The following DLG2 variants were observed in gnomAD, a reference collection of about 807,000 sequenced individuals.
DLG2 encodes the protein discs large MAGUK scaffold protein 2.
Under a neutral mutation model 132.5 loss-of-function variants are expected in DLG2, and 45 were observed. That is an observed-to-expected ratio of 0.34 (90% CI 0.27 to 0.44). The LOEUF (loss-of-function observed/expected upper bound fraction) is 0.44. Among genes scored for constraint, DLG2 ranks in the 20% least tolerant of loss-of-function variants. DLG2 has a pLI of 1.00. For synonymous variants in DLG2, 424 were observed against 419.6 expected (o/e 1.01, Z -0.13); for missense variants, 1,045 against 1,196.9 (o/e 0.87, Z 1.87).
At chr11:84,673,888 C>T (rs1196088608) in intron 6 of DLG2, among the ~76,000 whole-genome samples, 1 of 152,118 alleles carries the variant, frequency 6.6e-6, no homozygotes, top group African/African-American at 2.4e-5. Flanking sequence ...CACTTCAGCA[C>T]AGGGACAGCA....
At chr11:84,815,628 C>A (rs2156471) in intron 6 of DLG2, among the ~76,000 whole-genome samples, 3,563 of 152,058 alleles carry the variant, frequency 0.023, 56 homozygotes, top group Non-Finnish European at 0.036. Flanking sequence ...TAGAGATATC[C>A]TTCATTAAGA....
intron 18 of DLG2, 78 bp downstream of exon 18, chr11:83,786,612 A>T: frequency 1.6e-6 from 2 of 1,285,768 alleles, no homozygotes; most frequent in South Asian, 1.2e-5. Context: ...GACTCTAGTT[A>T]ATAAAAATTA....
intron 15 of DLG2, among the ~76,000 whole-genome samples, chr11:83,925,225 A>G (rs1267303225): frequency 2.0e-5 from 3 of 152,082 alleles, no homozygotes; most frequent in Non-Finnish European, 4.4e-5. Context: ...CCGTGCCCAA[A>G]TAAAGCAGAT....
At chr11:85,394,560 G>C (rs2087115353) in intron 3 of DLG2, among the ~76,000 whole-genome samples, 1 of 152,208 alleles carries the variant, frequency 6.6e-6, no homozygotes. Flanking sequence ...TAGCACTAAA[G>C]TTGGTTAGAA....
At chr11:84,612,679 TA>T (rs2099597459) in intron 6 of DLG2, among the ~76,000 whole-genome samples, 1 of 152,160 alleles carries the variant, frequency 6.6e-6, no homozygotes, top group Non-Finnish European at 1.5e-5. Flanking sequence ...ATAATATGGT[TA>T]TATTATTTTT....
chr11:83,845,595 T>G (rs2058462278), intron 16 of DLG2, among the ~76,000 whole-genome samples: 1 of 152,232 alleles, frequency 6.6e-6, no homozygotes. Flanking sequence ...GGGGGATCTA[T>G]GCATTAAATA....
At chr11:84,166,955 C>T (rs1383279777) in intron 8 of DLG2, 1 of 533,044 alleles carries the variant, frequency 1.9e-6, no homozygotes, top group African/African-American at 1.9e-5. Flanking sequence ...TATTTAAGTA[C>T]CTTGGTCATA....
At chr11:83,589,813 A>G (rs2097156163) in intron 19 of DLG2, among the ~76,000 whole-genome samples, 2 of 146,274 alleles carry the variant, frequency 1.4e-5, no homozygotes, top group Admixed American at 7.0e-5. Flanking sequence ...AAGCAAATGG[A>G]AAACAAAAAA....
intron 18 of DLG2, among the ~76,000 whole-genome samples, chr11:83,740,051 G>C (rs1311535616): frequency 6.6e-6 from 1 of 151,922 alleles, no homozygotes; most frequent in East Asian, 1.9e-4. Flanking sequence ...ACAGCACAGA[G>C]CACAATGCAA....
chr11:83,521,308 G>A (rs1169216938), intron 21 of DLG2, among the ~76,000 whole-genome samples: 4 of 152,216 alleles, frequency 2.6e-5, no homozygotes, highest in South Asian at 2.1e-4. Context: ...TCCTGGGGGA[G>A]AAGTGGATTT....
At chr11:83,708,536 A>G (rs1289029544) in intron 18 of DLG2, among the ~76,000 whole-genome samples, 1 of 152,194 alleles carries the variant, frequency 6.6e-6, no homozygotes, top group Non-Finnish European at 1.5e-5. Flanking sequence ...TCAAGACAAT[A>G]TGATAACAAA....
chr11:84,038,055 T>G (rs1007330540), intron 11 of DLG2, among the ~76,000 whole-genome samples: 1 of 152,022 alleles, frequency 6.6e-6, no homozygotes, highest in Non-Finnish European at 1.5e-5. Context: ...TGTGGTAGAT[T>G]ATTTCATCAC....
intron 6 of DLG2, among the ~76,000 whole-genome samples, chr11:85,028,454 C>G (rs1464255666): frequency 2.6e-5 from 4 of 152,168 alleles, no homozygotes; most frequent in Admixed American, 6.5e-5. Flanking sequence ...AGGAGCCTGT[C>G]TGCTTCCTGC....
At chr11:85,026,715 T>C (rs1033736636) in intron 6 of DLG2, among the ~76,000 whole-genome samples, 1 of 151,944 alleles carries the variant, frequency 6.6e-6, no homozygotes, top group African/African-American at 2.4e-5. Flanking sequence ...CGGGCGCCTG[T>C]AGTCCCAGCT....
chr11:84,769,010 TTAAAA>T (rs2153884387), intron 6 of DLG2, among the ~76,000 whole-genome samples: 1 of 152,190 alleles, frequency 6.6e-6, no homozygotes, highest in East Asian at 1.9e-4. Flanking sequence ...TAAAAATAAT[TTAAAA>T]TAATTAGAAG....
intron 15 of DLG2, among the ~76,000 whole-genome samples, chr11:83,876,189 G>A (rs538112617): frequency 6.6e-6 from 1 of 152,194 alleles, no homozygotes; most frequent in Admixed American, 6.6e-5. Context: ...TTTCCTCACA[G>A]GGTTATTATA....
intron 2 of DLG2, among the ~76,000 whole-genome samples, chr11:85,620,197 T>C (rs1016076091): frequency 6.6e-6 from 1 of 152,218 alleles, no homozygotes; most frequent in Non-Finnish European, 1.5e-5. Flanking sequence ...TTGATGTTCA[T>C]TGTAATTGTT....
intron 4 of DLG2, among the ~76,000 whole-genome samples, chr11:85,241,827 T>G (rs2075894220): frequency 6.6e-6 from 1 of 151,976 alleles, no homozygotes; most frequent in African/African-American, 2.4e-5. Context: ...TAATTAAGGT[T>G]TGTGAGTTCC....
Position 84,451,910 on chromosome 11 carries a change from T to C in DLG2, c.519+82660A>G, listed in dbSNP as rs573591653. ...GAAGTGACAGCAAGCCAGGAAGATATCTGGGGAAAGAGTATGTGAAGGCCT... is the reference window on the plus strand; with the variant it reads ...GAAGTGACAGCAAGCCAGGAAGATACCTGGGGAAAGAGTATGTGAAGGCCT... On this transcript the variant is annotated intron_variant, in intron 7 of 27. Coordinates refer to ENST00000376104, the MANE Select transcript of DLG2 (RefSeq NM_001142699.3). Among the ~76,000 whole-genome samples, 29 of 151,730 alleles carry C rather than the reference T, an allele frequency of 1.9e-4. 1 individual carries two copies. In the South Asian group the frequency reaches 5.8e-3, roughly 30 times the overall value.
Sources: gnomAD v4.1 joint callset for allele counts (sites outside exome capture counted in the v4.1 genomes callset) on GRCh38, gnomAD v4.1.1 for gene constraint, MANE v1.5 for transcripts, NCBI Gene and HGNC (gene_info 2026-07-23, HGNC 2026-07-21) for gene names.